Variants in HACD3 observed in about 807,000 individuals in gnomAD.
The protein encoded by HACD3 is 3-hydroxyacyl-CoA dehydratase 3.
Under a neutral mutation model 55.2 loss-of-function variants are expected in HACD3, and 30 were observed. The ratio of observed to expected loss-of-function variants is 0.54; its 90% CI spans 0.41 to 0.74. The LOEUF (loss-of-function observed/expected upper bound fraction) is 0.74, where lower values mean the gene tolerates loss of function less well. Ranked by LOEUF, HACD3 falls within the 30% of genes least tolerant of loss-of-function variation. The pLI is 0.00. For synonymous variants in HACD3, 141 were observed against 151.7 expected (o/e 0.93, Z 0.52); for missense variants, 363 against 440.1 (o/e 0.82, Z 1.57).
chr15:65,560,137 AAGT>A (rs960422753), intron 5 of HACD3, among the ~76,000 whole-genome samples: 3 of 151,352 alleles, frequency 2.0e-5, no homozygotes, highest in Non-Finnish European at 4.4e-5. Flanking sequence ...TCAGCCTCCC[AAGT>A]AGCTGGGATT....
intron 1 of HACD3, among the ~76,000 whole-genome samples, chr15:65,533,488 C>G (rs1274274266): frequency 6.6e-6 from 1 of 152,134 alleles, no homozygotes; most frequent in African/African-American, 2.4e-5. Context: ...GGCATAGCCA[C>G]TATGTATTTG....
At chr15:65,535,955 C>T (rs768616787) in intron 1 of HACD3, 11 of 426,672 alleles carry the variant, frequency 2.6e-5, no homozygotes, top group Non-Finnish European at 4.2e-5. Flanking sequence ...CTCCCAGATC[C>T]CTGAGGTTAC....
chr15:65,551,938 G>C, intron 2 of HACD3: 1 of 437,778 alleles, frequency 2.3e-6, no homozygotes, highest in Non-Finnish European at 4.0e-6. Context: ...AGTAGATACA[G>C]TGAAGGAAAA....
Position 65,577,178 on chromosome 15 carries a change from A to G in HACD3, c.*799A>G, listed in dbSNP as rs1273132150. 6.6e-6 allele frequency: 1 copy of G among 152,236 alleles called. No homozygotes were observed. Among genetic ancestry groups the G allele is most frequent in the Non-Finnish European group, 1.5e-5 (1 of 68,058 alleles). 9.4% of individuals were successfully genotyped at this position (152,236 alleles called of 1,614,324 possible). On this transcript the variant is annotated 3_prime_UTR_variant, in exon 11 of 11. Coordinates refer to ENST00000261875, the MANE Select transcript of HACD3 (RefSeq NM_016395.4). ...TGTGGCTCACACCTGTAATCCCAGCACTTTGGGACACCTAGGTGGGAGCAT... is the reference window on the plus strand; with the variant it reads ...TGTGGCTCACACCTGTAATCCCAGCGCTTTGGGACACCTAGGTGGGAGCAT...
rs945100443 is a variant in HACD3, at chr15:65,571,486, T to C, written c.774-62T>C. The C allele has an allele frequency of 6.9e-6, 8 of 1,167,434 alleles. No homozygotes were observed. The African/African-American group carries it at 7.6e-5, about 11-fold the overall frequency. The allele number at this position is 1,167,434 out of a possible 1,614,324, so 72.3% of individuals were successfully genotyped here. A position where few individuals can be genotyped will look rare whatever the true frequency, so the allele number is the denominator to read the frequency against. ...ATAGAATTCTTCTATTTAAATGATA[T>C]TCTAAGGTTGCATTCGGAACCTGAA... On this transcript the variant is annotated intron_variant, in intron 8 of 10. Transcript: ENST00000261875.
chr15:65,557,392 G>A (rs571708161), intron 4 of HACD3, among the ~76,000 whole-genome samples: 5 of 151,930 alleles, frequency 3.3e-5, no homozygotes, highest in East Asian at 1.9e-4. Flanking sequence ...GGAGAATGGC[G>A]TGAACTCGGG....
Position 65,554,876 on chromosome 15 carries a change from T to C in HACD3, c.131-11T>C. ...TCAAGTTTGCAGTAACCCACATTTC[T>C]TTCTTTATAGCTCAAGGACATGGTG... On this transcript the variant is annotated splice_polypyrimidine_tract_variant and intron_variant, in intron 2 of 10. Transcript: ENST00000261875. 1 of 1,605,880 alleles carries C rather than the reference T, an allele frequency of 6.2e-7. No individual in the cohort carries two copies. Among genetic ancestry groups the C allele is most frequent in the Non-Finnish European group, 8.5e-7 (1 of 1,172,594 alleles).
Position 65,577,438 on chromosome 15 carries a change from C to G in HACD3, c.*1059C>G, listed in dbSNP as rs766490907. The G allele has an allele frequency of 6.6e-6, 1 of 151,132 alleles. No homozygotes were observed. The highest frequency in any genetic ancestry group is 1.5e-5 in the Non-Finnish European group (1 of 68,318). 9.4% of individuals were successfully genotyped at this position (151,132 alleles called of 1,614,324 possible). On this transcript the variant is annotated 3_prime_UTR_variant, in exon 11 of 11. Transcript: ENST00000261875. ...GACCCTGTCTCAAACCAAACCAAAC[C>G]ACACACACACAAACACACATACACA...
rs930536254 is a variant in HACD3, at chr15:65,572,176, C to T, written c.881-59C>T. The stretch of plus-strand genomic sequence containing the variant: ...CTTTAGAGTACTAGGACTGGAAGTT[C>T]CTGTCATTAAATGTGACTGTTTCAT... On this transcript the variant is annotated intron_variant, in intron 9 of 10. Transcript: ENST00000261875. The T allele has an allele frequency of 2.1e-5, 33 of 1,595,054 alleles. No homozygotes were observed. The African/African-American group carries it at 3.5e-4, about 17-fold the overall frequency.
At chr15:65,569,979 C>G in intron 7 of HACD3, 112 bp from the exon 8 acceptor site, 1 of 673,442 alleles carries the variant, frequency 1.5e-6, no homozygotes, top group Non-Finnish European at 2.4e-6. Flanking sequence ...TGGTCGAGGT[C>G]AATCTTTTCT....
At chr15:65,559,074 C>T (rs914987803) in intron 5 of HACD3, among the ~76,000 whole-genome samples, 1 of 152,222 alleles carries the variant, frequency 6.6e-6, no homozygotes, top group Non-Finnish European at 1.5e-5. Flanking sequence ...CTCCTTCAGC[C>T]TGGTGTTTTT....
At chr15:65,547,279 G>C (rs903873279) in intron 1 of HACD3, among the ~76,000 whole-genome samples, 11 of 152,110 alleles carry the variant, frequency 7.2e-5, no homozygotes, top group Non-Finnish European at 1.0e-4. Context: ...ATCATGCCTG[G>C]CTAATTTTTG....
chr15:65,541,246 T>G (rs1386671966), intron 1 of HACD3, among the ~76,000 whole-genome samples: 1 of 152,176 alleles, frequency 6.6e-6, no homozygotes, highest in Non-Finnish European at 1.5e-5. Flanking sequence ...GATTGTAAAA[T>G]GCACCACTAT....
chr15:65,536,812 A>G (rs1251285501), intron 1 of HACD3, among the ~76,000 whole-genome samples: 4 of 152,186 alleles, frequency 2.6e-5, no homozygotes, highest in East Asian at 1.9e-4. Flanking sequence ...AGAGTTGCAC[A>G]TGTCTCACTT....
intron 4 of HACD3, among the ~76,000 whole-genome samples, chr15:65,557,406 C>T (rs1301670674): frequency 2.0e-5 from 3 of 149,318 alleles, no homozygotes; most frequent in Non-Finnish European, 4.4e-5. Flanking sequence ...ACTCGGGAGG[C>T]GGGGCTTGCC....
At chr15:65,572,919 A>T (rs189952511) in intron 10 of HACD3, among the ~76,000 whole-genome samples, 9,235 of 141,948 alleles carry the variant, frequency 0.065, 305 homozygotes, top group African/African-American at 0.098. Context: ...TGTCTCAAAA[A>T]AAAAAAAAAA....
chr15:65,567,525 C>T (rs1392377115), intron 7 of HACD3, among the ~76,000 whole-genome samples: 1 of 151,972 alleles, frequency 6.6e-6, no homozygotes, highest in Non-Finnish European at 1.5e-5. Context: ...CAATACATTT[C>T]CAATCACAAT....
In HACD3 at chr15:65,551,734, A is replaced by C. The variant is rs1371880196; in HGVS notation, c.130+16A>C. ...CATTTCAAAGGTCAGTATCCCAGCA[A>C]ATGCTCCCATCTCTATACACAGTTA... On this transcript the variant is annotated intron_variant, in intron 2 of 10. Coordinates refer to ENST00000261875, the MANE Select transcript of HACD3 (RefSeq NM_016395.4). The C allele has an allele frequency of 3.7e-6, 6 of 1,613,410 alleles. No homozygotes were observed. In the African/African-American group the frequency reaches 8.0e-5, roughly 22 times the overall value.
At chr15:65,558,549 C>A in intron 4 of HACD3, 131 bp from the exon 5 acceptor site, 1 of 790,698 alleles carries the variant, frequency 1.3e-6, no homozygotes, top group Non-Finnish European at 2.1e-6. Flanking sequence ...GAATATTCTC[C>A]CAATGATGCA....
Sources: gnomAD v4.1 joint callset for allele counts (sites outside exome capture counted in the v4.1 genomes callset) on GRCh38, gnomAD v4.1.1 for gene constraint, MANE v1.5 for transcripts, NCBI Gene and HGNC (gene_info 2026-07-23, HGNC 2026-07-21) for gene names.